DPP8: variants seen among roughly 807,000 people sequenced by gnomAD.
The protein encoded by DPP8 is DPP VIII.
A neutral mutation model predicts 107.5 loss-of-function variants in DPP8; 31 were observed. That is an observed-to-expected ratio of 0.29 (90% CI 0.22 to 0.39). DPP8 has a LOEUF of 0.39. Among genes scored for constraint, DPP8 ranks in the 10% least tolerant of loss-of-function variants. DPP8 has a pLI of 1.00. For synonymous variants in DPP8, 381 were observed against 356.6 expected, an observed-to-expected ratio of 1.07 and a Z score of -0.77; for missense variants, 842 against 1,076.1, an observed-to-expected ratio of 0.78 and a Z score of 3.04.
chr15:65,488,769 T>A (rs1432439545), intron 6 of DPP8, among the ~76,000 whole-genome samples: 2 of 152,158 alleles, frequency 1.3e-5, no homozygotes, highest in Non-Finnish European at 2.9e-5. Flanking sequence ...TCTAACTGGA[T>A]CATGGTCAAA....
intron 15 of DPP8, among the ~76,000 whole-genome samples, chr15:65,457,324 G>C (rs1026946415): frequency 2.0e-5 from 3 of 152,058 alleles, no homozygotes; most frequent in African/African-American, 7.2e-5. Flanking sequence ...CCACTGCACT[G>C]CAGCCTGGGC....
chr15:65,516,916 GAAGAA>G (rs2071512260), intron 1 of DPP8: 1 of 152,672 alleles, frequency 6.5e-6, no homozygotes, highest in Admixed American at 6.6e-5. Flanking sequence ...CCAAGTCTTA[GAAGAA>G]AAGTGTGTGA....
chr15:65,491,751 G>T, intron 5 of DPP8, among the ~76,000 whole-genome samples: 1 of 151,830 alleles, frequency 6.6e-6, no homozygotes, highest in East Asian at 1.9e-4. Context: ...CATTTTTTTT[G>T]AGACGGAGTC....
chr15:65,480,749 G>T (rs1419864792), intron 9 of DPP8, among the ~76,000 whole-genome samples: 4 of 152,086 alleles, frequency 2.6e-5, no homozygotes, highest in Non-Finnish European at 5.9e-5. Flanking sequence ...AGTAAGCTAC[G>T]ATCATGCCAC....
intron 4 of DPP8, 47 bp from the exon 5 acceptor site, chr15:65,498,079 A>G: frequency 2.2e-6 from 3 of 1,371,422 alleles, no homozygotes; most frequent in Non-Finnish European, 2.0e-6. Context: ...GCTGACACAT[A>G]CATGTTCCAG....
At chr15:65,460,510 CTTCTA>C (rs2064824331) in intron 15 of DPP8, among the ~76,000 whole-genome samples, 1 of 152,092 alleles carries the variant, frequency 6.6e-6, no homozygotes, top group African/African-American at 2.4e-5. Flanking sequence ...TCCCTGACAA[CTTCTA>C]TTCTACTTTC....
intron 6 of DPP8, 111 bp from the exon 7 acceptor site, chr15:65,487,929 T>C (rs2067598984): frequency 1.4e-6 from 1 of 733,864 alleles, no homozygotes; most frequent in South Asian, 1.9e-5. Flanking sequence ...AACTTATGTA[T>C]AAAATATGCT....
At position 65,469,006 on chromosome 15, in the gene DPP8, G is replaced by A. The variant is rs143508116; in HGVS notation, c.1537-1783C>T. Among the ~76,000 whole-genome samples the A allele has an allele frequency of 2.6e-3, 391 of 152,116 alleles. 1 individual carries two copies. The highest frequency in any genetic ancestry group is 9.0e-3 in the African/African-American group (374 of 41,510). On this transcript the variant is annotated intron_variant, in intron 12 of 19. Coordinates refer to ENST00000300141, the MANE Select transcript of DPP8 (RefSeq NM_130434.5). Reference sequence around the variant, plus strand: ...TTTTTGCTTTTTGAGACCGAGTTTCGCTCTCGTTGCCCAGGCTGGAGTGCA... The same window carrying A: ...TTTTTGCTTTTTGAGACCGAGTTTCACTCTCGTTGCCCAGGCTGGAGTGCA...
intron 3 of DPP8, among the ~76,000 whole-genome samples, chr15:65,501,413 T>C (rs1775768832): frequency 6.6e-6 from 1 of 152,204 alleles, no homozygotes; most frequent in Non-Finnish European, 1.5e-5. Context: ...AGCATGCAAT[T>C]AAGAGCACAG....
chr15:65,479,361 A>C (rs1347566982), intron 10 of DPP8, among the ~76,000 whole-genome samples: 2 of 152,212 alleles, frequency 1.3e-5, no homozygotes, highest in East Asian at 1.9e-4. Context: ...AAATCTTGTT[A>C]CAGAAAGATG....
intron 11 of DPP8, chr15:65,475,763 G>A (rs969226459): frequency 1.3e-5 from 6 of 454,566 alleles, no homozygotes; most frequent in Admixed American, 9.9e-5. Context: ...TTTTGTTTTT[G>A]TTTTTTTCCT....
In DPP8 at chr15:65,456,291, T is replaced by C; in HGVS notation, c.2052A>G (p.Val684=). ...NTLASLGYVV[V]VIDNRGSCHR... Reference sequence around the variant, plus strand: ...GACAGGATCCCCTGTTGTCTATCACTACAACCACATAACCTAGAGAGGCTA... The same window carrying C: ...GACAGGATCCCCTGTTGTCTATCACCACAACCACATAACCTAGAGAGGCTA... Residue 684 remains valine (V), a synonymous_variant, in exon 16 of 20, where the codon GTA becomes GTG. Coordinates refer to ENST00000300141, the MANE Select transcript of DPP8 (RefSeq NM_130434.5). The C allele has an allele frequency of 6.2e-7, 1 of 1,614,132 alleles. No individual in the cohort carries two copies. The highest frequency in any genetic ancestry group is 1.7e-4 in the Middle Eastern group (1 of 6,060).
intron 5 of DPP8, among the ~76,000 whole-genome samples, chr15:65,494,149 C>CT (rs542314824): frequency 9.7e-5 from 12 of 123,294 alleles, no homozygotes; most frequent in Admixed American, 1.8e-4. Context: ...GTTCTATATC[C>CT]TTTTTTTTTT....
intron 10 of DPP8, 84 bp downstream of exon 10, chr15:65,480,138 T>A: frequency 8.3e-7 from 1 of 1,206,872 alleles, no homozygotes; most frequent in Non-Finnish European, 1.1e-6. Flanking sequence ...TAAAAAAAAA[T>A]GCATTTTGAT....
At chr15:65,471,731 C>T (rs1390675473) in intron 12 of DPP8, among the ~76,000 whole-genome samples, 3 of 152,036 alleles carry the variant, frequency 2.0e-5, no homozygotes, top group Admixed American at 2.0e-4. Context: ...CAAGTGATCC[C>T]TCGACACTGG....
chr15:65,443,094 A>G lies in DPP8; in HGVS notation c.*3790T>C, dbSNP rs1345183535. On this transcript the variant is annotated 3_prime_UTR_variant, in exon 20 of 20. Coordinates refer to ENST00000300141, the MANE Select transcript of DPP8 (RefSeq NM_130434.5). ...ACTAATCAGAAGTACTGCTTCATTA[A>G]TAAACATGCTTAGCATTTACTTTGG... 3.3e-5 allele frequency: 5 copies of G among 152,372 alleles called. No homozygotes were observed. Among genetic ancestry groups the G allele is most frequent in the African/African-American group, 1.2e-4 (5 of 41,596 alleles). The allele number at this position is 152,372 out of a possible 1,614,324, so 9.4% of individuals were successfully genotyped here.
intron 12 of DPP8, among the ~76,000 whole-genome samples, chr15:65,470,412 C>A (rs1274127809): frequency 1.3e-5 from 2 of 151,028 alleles, no homozygotes; most frequent in Non-Finnish European, 2.9e-5. Context: ...TCTAGACCAG[C>A]CTGGCCAACA....
At chr15:65,500,538 TTTC>T in intron 4 of DPP8, 65 bp downstream of exon 4, 10 of 1,291,896 alleles carry the variant, frequency 7.7e-6, no homozygotes, top group Non-Finnish European at 1.1e-5. Context: ...ATTAATTACC[TTTC>T]TGCTTTGGGT....
intron 14 of DPP8, among the ~76,000 whole-genome samples, chr15:65,465,910 TTC>T (rs2065309502): frequency 6.6e-6 from 1 of 152,102 alleles, no homozygotes; most frequent in African/African-American, 2.4e-5. Context: ...AATTCAGTTT[TTC>T]TCTCATTCCA....
Sources: allele counts gnomAD v4.1 joint callset (sites outside exome capture counted in the v4.1 genomes callset), GRCh38; gene constraint gnomAD v4.1.1; transcripts MANE v1.5; gene names NCBI Gene and HGNC (gene_info 2026-07-23, HGNC 2026-07-21).